Variants in NOL4 observed in about 807,000 individuals in gnomAD.
The protein encoded by NOL4 is cancer/testis antigen 125.
A neutral mutation model predicts 75.9 loss-of-function variants in NOL4; 17 were observed. The observed-to-expected ratio is 0.22, with a 90% CI of 0.15 to 0.34. NOL4 has a LOEUF of 0.34. Among genes scored for constraint, NOL4 ranks in the 10% least tolerant of loss-of-function variants. The pLI, the probability that NOL4 is intolerant of heterozygous loss-of-function variation, is 1.00. For synonymous variants in NOL4, 292 were observed against 289.9 expected, an observed-to-expected ratio of 1.01 and a Z score of -0.07; for missense variants, 614 against 793.5, an observed-to-expected ratio of 0.77 and a Z score of 2.72.
intron 6 of NOL4, among the ~76,000 whole-genome samples, chr18:34,001,970 C>T (rs2073746213): frequency 6.6e-6 from 1 of 152,068 alleles, no homozygotes; most frequent in African/African-American, 2.4e-5. Flanking sequence ...GGTGTCACAG[C>T]AGCTTGAGGC....
intron 8 of NOL4, among the ~76,000 whole-genome samples, chr18:33,954,111 A>C (rs1338658535): frequency 2.0e-5 from 3 of 152,178 alleles, no homozygotes; most frequent in Non-Finnish European, 2.9e-5. Flanking sequence ...AAAATGGCAT[A>C]GTATTTGCCT....
At chr18:34,088,111 C>G (rs1440685734) in intron 5 of NOL4, among the ~76,000 whole-genome samples, 2 of 151,670 alleles carry the variant, frequency 1.3e-5, no homozygotes, top group Non-Finnish European at 2.9e-5. Flanking sequence ...CAAATACTCC[C>G]TTACAAAATA....
chr18:33,983,677 T>C (rs1276832355), intron 6 of NOL4, among the ~76,000 whole-genome samples: 2 of 151,852 alleles, frequency 1.3e-5, no homozygotes, highest in Non-Finnish European at 1.5e-5. Context: ...TAAACATGCA[T>C]AATATATATT....
chr18:33,902,172 GAATT>G (rs2065783625), intron 9 of NOL4, among the ~76,000 whole-genome samples: 1 of 151,844 alleles, frequency 6.6e-6, no homozygotes, highest in Admixed American at 6.6e-5. Context: ...TTTTAAAAGG[GAATT>G]ATTTATAATA....
At chr18:34,216,331 A>T (rs1005009724) in intron 1 of NOL4, among the ~76,000 whole-genome samples, 5 of 152,180 alleles carry the variant, frequency 3.3e-5, no homozygotes, top group Admixed American at 3.3e-4. Flanking sequence ...AAAAAGTAAA[A>T]TACAGAATCT....
intron 6 of NOL4, among the ~76,000 whole-genome samples, chr18:34,017,015 G>A (rs2074736482): frequency 6.6e-6 from 1 of 152,078 alleles, no homozygotes; most frequent in African/African-American, 2.4e-5. Flanking sequence ...CCTAGCCTGA[G>A]ACCAAGTCAT....
At chr18:33,903,958 G>A (rs750762488) in intron 9 of NOL4, among the ~76,000 whole-genome samples, 13 of 152,132 alleles carry the variant, frequency 8.5e-5, no homozygotes, top group Non-Finnish European at 1.6e-4. Context: ...TCTGTTTCGA[G>A]AGCTAAAACT....
chr18:33,923,297 T>C (rs1469876605), intron 9 of NOL4, among the ~76,000 whole-genome samples: 4 of 152,052 alleles, frequency 2.6e-5, no homozygotes, highest in Non-Finnish European at 2.9e-5. Context: ...TCTCTGTTGA[T>C]CATACATATT....
chr18:33,895,249 C>T (rs2065329297), intron 9 of NOL4, among the ~76,000 whole-genome samples: 1 of 151,956 alleles, frequency 6.6e-6, no homozygotes, highest in African/African-American at 2.4e-5. Flanking sequence ...GTATACATGA[C>T]TAGCAAGAAG....
At chr18:33,868,691 AC>A (rs1230093802) in intron 10 of NOL4, among the ~76,000 whole-genome samples, 2 of 149,714 alleles carry the variant, frequency 1.3e-5, no homozygotes, top group Admixed American at 1.3e-4. Flanking sequence ...ACACACACAC[AC>A]GTTTATCCCA....
intron 1 of NOL4, among the ~76,000 whole-genome samples, chr18:34,142,142 G>C (rs536453519): frequency 2.6e-4 from 40 of 152,200 alleles, no homozygotes; most frequent in Non-Finnish European, 2.9e-4. Flanking sequence ...TACCATCTCA[G>C]ACCAGTTAGA....
Position 33,875,099 on chromosome 18 carries a change from G to A in NOL4, c.1723+8145C>T, listed in dbSNP as rs535755506. On this transcript the variant is annotated intron_variant, in intron 10 of 10. Transcript: ENST00000261592. Reference sequence around the variant, plus strand: ...AACAAATTGAAAAGTCTCCCCCCACGGAGTTTGTAGAGCAGAAACATCAGT... The same window carrying A: ...AACAAATTGAAAAGTCTCCCCCCACAGAGTTTGTAGAGCAGAAACATCAGT... Among the ~76,000 whole-genome samples the A allele has an allele frequency of 2.6e-5, 4 of 152,016 alleles. No homozygotes were observed. The South Asian group carries it at 6.2e-4, about 24-fold the overall frequency.
intron 5 of NOL4, among the ~76,000 whole-genome samples, chr18:34,027,342 T>C (rs905317514): frequency 6.6e-5 from 10 of 152,184 alleles, no homozygotes; most frequent in African/African-American, 2.4e-4. Flanking sequence ...ATAAATATCC[T>C]GGGAATTATC....
chr18:34,079,782 T>C (rs2145376911), intron 5 of NOL4, among the ~76,000 whole-genome samples: 1 of 152,338 alleles, frequency 6.6e-6, no homozygotes, highest in Non-Finnish European at 1.5e-5. Flanking sequence ...TTTTAGGTTT[T>C]TGCTCCTATT....
At chr18:34,065,736 T>C (rs757817172) in intron 5 of NOL4, among the ~76,000 whole-genome samples, 1 of 151,982 alleles carries the variant, frequency 6.6e-6, no homozygotes, top group Non-Finnish European at 1.5e-5. Context: ...CATAGTATAA[T>C]AACTTTTAAA....
chr18:34,214,485 A>AT (rs1204967366), intron 1 of NOL4, among the ~76,000 whole-genome samples: 5 of 152,258 alleles, frequency 3.3e-5, no homozygotes, highest in Admixed American at 1.3e-4. Context: ...AAGCTGTGTG[A>AT]TTTTTAGAAA....
At chr18:33,982,086 C>G (rs2072007475) in intron 6 of NOL4, among the ~76,000 whole-genome samples, 1 of 151,868 alleles carries the variant, frequency 6.6e-6, no homozygotes, top group Non-Finnish European at 1.5e-5. Context: ...GAACATGGAA[C>G]CACATAAAAT....
At chr18:34,115,416 A>G (rs935304704) in intron 2 of NOL4, among the ~76,000 whole-genome samples, 1 of 152,104 alleles carries the variant, frequency 6.6e-6, no homozygotes, top group African/African-American at 2.4e-5. Flanking sequence ...CTCCTGCCTC[A>G]GCCTCCTTGA....
chr18:34,159,059 G>A (rs1225904685), intron 1 of NOL4, among the ~76,000 whole-genome samples: 2 of 152,222 alleles, frequency 1.3e-5, no homozygotes, highest in Non-Finnish European at 2.9e-5. Context: ...GCAAAAGAGA[G>A]CTCGGGTTGC....
Sources: allele counts gnomAD v4.1 joint callset (sites outside exome capture counted in the v4.1 genomes callset), GRCh38; gene constraint gnomAD v4.1.1; transcripts MANE v1.5; gene names NCBI Gene and HGNC (gene_info 2026-07-23, HGNC 2026-07-21).